Variants in PXT1 observed in about 807,000 individuals in gnomAD.
The protein encoded by PXT1 is peroxisomal testis-specific protein 1.
Under a neutral mutation model 11.0 loss-of-function variants are expected in PXT1, and 11 were observed. The observed-to-expected ratio is 1.00, with a 90% CI of 0.63 to 1.66. The LOEUF is 1.66. PXT1 is among the 40% of genes most tolerant of loss of function. PXT1 has a pLI of 0.00. For synonymous variants in PXT1, 43 were observed against 51.4 expected (o/e 0.84, Z 0.70); for missense variants, 141 against 155.5 (o/e 0.91, Z 0.49).
intron 3 of PXT1, among the ~76,000 whole-genome samples, chr6:36,422,698 C>T (rs1774539662): frequency 6.6e-6 from 1 of 151,810 alleles, no homozygotes; most frequent in Admixed American, 6.6e-5. Context: ...GGTGAGCCAT[C>T]GAGGCAAAAA....
chr6:36,432,684 A>C (rs1535510), intron 2 of PXT1, among the ~76,000 whole-genome samples: 31,158 of 152,108 alleles, frequency 0.2, 3,361 homozygotes, highest in East Asian at 0.39. Context: ...TTGTTTGAAA[A>C]TCTGTTTAAG....
chr6:36,441,939 A>C (rs1347816601), intron 1 of PXT1, among the ~76,000 whole-genome samples: 1 of 152,204 alleles, frequency 6.6e-6, no homozygotes, highest in Non-Finnish European at 1.5e-5. Context: ...ATTAGTTTTC[A>C]GAGAGTCTCT....
intron 3 of PXT1, among the ~76,000 whole-genome samples, chr6:36,423,214 A>C (rs1032712437): frequency 1.1e-4 from 16 of 152,266 alleles, no homozygotes; most frequent in African/African-American, 3.6e-4. Context: ...CACTGAGGGG[A>C]GAGGTGGACC....
At chr6:36,404,765 C>G (rs1259886218) in intron 3 of PXT1, among the ~76,000 whole-genome samples, 1 of 151,998 alleles carries the variant, frequency 6.6e-6, no homozygotes, top group Non-Finnish European at 1.5e-5. Context: ...TGAGACCAGC[C>G]TTACCAACAT....
intron 2 of PXT1, among the ~76,000 whole-genome samples, chr6:36,435,177 T>C (rs1408719870): frequency 6.6e-6 from 1 of 152,088 alleles, no homozygotes; most frequent in Non-Finnish European, 1.5e-5. Flanking sequence ...TGATGGCTCA[T>C]GTCTTTAATC....
intron 3 of PXT1, among the ~76,000 whole-genome samples, chr6:36,414,267 A>G (rs4713973): frequency 0.27 from 40,911 of 152,082 alleles, 5,610 homozygotes; most frequent in East Asian, 0.39. Flanking sequence ...TTGGAGCAAG[A>G]TAACAACTCT....
At chr6:36,433,881 A>G (rs896558184) in intron 2 of PXT1, among the ~76,000 whole-genome samples, 2 of 151,820 alleles carry the variant, frequency 1.3e-5, no homozygotes, top group African/African-American at 2.4e-5. Flanking sequence ...GCCAAATGCA[A>G]TTCTGAAGTG....
intron 2 of PXT1, among the ~76,000 whole-genome samples, chr6:36,433,412 A>C (rs1774719874): frequency 6.6e-6 from 1 of 151,976 alleles, no homozygotes; most frequent in African/African-American, 2.4e-5. Context: ...GATTGTTATA[A>C]TTCAGGAAAA....
intron 4 of PXT1, among the ~76,000 whole-genome samples, chr6:36,393,823 T>G (rs1774105436): frequency 1.3e-5 from 2 of 152,208 alleles, no homozygotes; most frequent in South Asian, 4.1e-4. Flanking sequence ...CCTTGCTTTA[T>G]TTTTCTCCAA....
intron 2 of PXT1, among the ~76,000 whole-genome samples, chr6:36,433,802 G>A (rs1254424891): frequency 8.1e-6 from 1 of 123,080 alleles, no homozygotes. Flanking sequence ...CAGCCTGGGT[G>A]ACAGAACAAG....
At chr6:36,437,206 G>A (rs1215475763) in intron 2 of PXT1, among the ~76,000 whole-genome samples, 2 of 152,086 alleles carry the variant, frequency 1.3e-5, no homozygotes, top group Non-Finnish European at 2.9e-5. Context: ...AGAATCGCTT[G>A]AACCTAGGAG....
intron 3 of PXT1, among the ~76,000 whole-genome samples, chr6:36,417,090 A>C (rs1321125494): frequency 6.6e-6 from 1 of 152,230 alleles, no homozygotes; most frequent in Non-Finnish European, 1.5e-5. Context: ...TCACGCCTGT[A>C]ATCCCAGCAC....
At chr6:36,420,966 G>T (rs1419762750) in intron 3 of PXT1, among the ~76,000 whole-genome samples, 1 of 151,500 alleles carries the variant, frequency 6.6e-6, no homozygotes, top group Non-Finnish European at 1.5e-5. Flanking sequence ...GAGGCAAGAG[G>T]ATCGCTTGAA....
intron 3 of PXT1, among the ~76,000 whole-genome samples, chr6:36,420,188 T>C (rs143686958): frequency 1.3e-4 from 20 of 152,330 alleles, no homozygotes; most frequent in Non-Finnish European, 2.1e-4. Context: ...TATCTATCTA[T>C]CTATCAATCA....
In PXT1 at chr6:36,430,480, G is replaced by T. The variant is rs79977889; in HGVS notation, c.-9-4389C>A. Among the ~76,000 whole-genome samples the T allele has an allele frequency of 2.0e-3, 311 of 152,270 alleles. 2 individuals are homozygous for T. The highest frequency in any genetic ancestry group is 7.3e-3 in the African/African-American group (303 of 41,546). On this transcript the variant is annotated intron_variant, in intron 2 of 4. Coordinates refer to ENST00000454782, the MANE Select transcript of PXT1 (RefSeq NM_152990.4). Reference sequence around the variant, plus strand: ...AATCCTTAGAGAGGGAGGCAAGAGGGCCAGATTCACAGAAAGAAATGTGAC... The same window carrying T: ...AATCCTTAGAGAGGGAGGCAAGAGGTCCAGATTCACAGAAAGAAATGTGAC...
chr6:36,425,728 CAG>C (rs1774592286), intron 3 of PXT1, among the ~76,000 whole-genome samples, 184 bp downstream of exon 3: 2 of 151,254 alleles, frequency 1.3e-5, no homozygotes, highest in Admixed American at 6.6e-5. Flanking sequence ...CCAGAAGTTG[CAG>C]AGAGCTGAGA....
chr6:36,421,426 A>G (rs1185772447), intron 3 of PXT1, among the ~76,000 whole-genome samples: 2 of 152,186 alleles, frequency 1.3e-5, no homozygotes, highest in South Asian at 2.1e-4. Context: ...GCGCCACTGC[A>G]CTTCAGCCTG....
At position 36,426,077 on chromosome 6, in the gene PXT1, C is replaced by G. The variant is rs1774601564; in HGVS notation, c.6G>C (p.Lys2Asn). The change falls in exon 3 of 5, where the codon AAG (lysine) becomes AAC (asparagine). Residue 2 changes from lysine to asparagine, a missense_variant. Physicochemically the swap from Lys to Asn is moderately conservative, Grantham distance 94. Transcript: ENST00000454782. M[K>N]KKHDGIVYET... ...CATAAACAATGCCATCATGTTTTTT[C>G]TTCATGTTTTTTCCCTGTTGAAAAA... is the stretch of plus-strand genomic sequence containing the variant. 1 of 1,507,624 alleles carries G rather than the reference C, an allele frequency of 6.6e-7. No homozygotes were observed. Among genetic ancestry groups the G allele is most frequent in the Non-Finnish European group, 8.8e-7 (1 of 1,133,462 alleles). 93.4% of individuals were successfully genotyped at this position (1,507,624 alleles called of 1,614,324 possible). A position where few individuals can be genotyped will look rare whatever the true frequency, so the allele number is the denominator to read the frequency against.
chr6:36,433,732 G>A (rs1321928950), intron 2 of PXT1, among the ~76,000 whole-genome samples: 3 of 151,012 alleles, frequency 2.0e-5, no homozygotes, highest in Non-Finnish European at 4.4e-5. Context: ...GGCTGAGGCA[G>A]GAGAATGGCA....
Sources: gnomAD v4.1 joint callset for allele counts (sites outside exome capture counted in the v4.1 genomes callset) on GRCh38, gnomAD v4.1.1 for gene constraint, MANE v1.5 for transcripts, NCBI Gene and HGNC (gene_info 2026-07-23, HGNC 2026-07-21) for gene names.